Variants in SLC17A6 observed in about 807,000 individuals in gnomAD.
SLC17A6 encodes vesicular glutamate transporter 2.
A neutral mutation model predicts 67.1 loss-of-function variants in SLC17A6; 35 were observed. That is an observed-to-expected ratio of 0.52 (90% CI 0.40 to 0.69). The LOEUF (loss-of-function observed/expected upper bound fraction) is 0.69, where lower values mean the gene tolerates loss of function less well. Ranked by LOEUF, SLC17A6 falls within the 30% of genes least tolerant of loss-of-function variation. The pLI is 0.00. For synonymous variants in SLC17A6, 285 were observed against 252.3 expected (o/e 1.13, Z -1.23); for missense variants, 588 against 723.9 (o/e 0.81, Z 2.15).
intron 3 of SLC17A6, among the ~76,000 whole-genome samples, chr11:22,351,272 T>G (rs1855934526): frequency 6.6e-6 from 1 of 152,156 alleles, no homozygotes; most frequent in African/African-American, 2.4e-5. Flanking sequence ...GGGATACATG[T>G]ACAGGCTTGT....
At chr11:22,369,976 T>C in intron 7 of SLC17A6, 63 bp from the exon 8 acceptor site, 1 of 1,507,894 alleles carries the variant, frequency 6.6e-7, no homozygotes, top group Non-Finnish European at 9.0e-7. Context: ...AAGCACCTAT[T>C]ATTCCCACTT....
chr11:22,343,132 A>G (rs1590377586), intron 2 of SLC17A6, 115 bp from the exon 3 acceptor site: 1 of 841,692 alleles, frequency 1.2e-6, no homozygotes, highest in African/African-American at 1.7e-5. Context: ...TCTTATCCCC[A>G]GAATGCATGA....
At chr11:22,360,585 A>G (rs912393003) in intron 4 of SLC17A6, among the ~76,000 whole-genome samples, 5 of 145,714 alleles carry the variant, frequency 3.4e-5, no homozygotes, top group African/African-American at 1.2e-4. Context: ...ATAATTTTAA[A>G]GGTCTTAAAT....
intron 4 of SLC17A6, among the ~76,000 whole-genome samples, chr11:22,360,571 A>G (rs979297257): frequency 1.4e-5 from 2 of 141,952 alleles, no homozygotes; most frequent in African/African-American, 5.0e-5. Context: ...ACAGAAAAAG[A>G]CTAATAATTT....
At chr11:22,340,301 A>G (rs889424548) in intron 1 of SLC17A6, among the ~76,000 whole-genome samples, 4 of 152,232 alleles carry the variant, frequency 2.6e-5, no homozygotes, top group Non-Finnish European at 4.4e-5. Flanking sequence ...TATCAATCGC[A>G]AGGGGCTACG....
At chr11:22,371,952 G>T (rs1856179653) in intron 8 of SLC17A6, among the ~76,000 whole-genome samples, 1 of 151,688 alleles carries the variant, frequency 6.6e-6, no homozygotes. Flanking sequence ...ACAAAGTATT[G>T]GTATATAATC....
intron 8 of SLC17A6, among the ~76,000 whole-genome samples, chr11:22,373,713 A>C (rs1369034474): frequency 6.6e-6 from 1 of 152,154 alleles, no homozygotes; most frequent in Non-Finnish European, 1.5e-5. Context: ...TTTTTTATTT[A>C]ATAAGAACAC....
At chr11:22,362,186 T>G (rs1202766793) in intron 5 of SLC17A6, 1 of 384,838 alleles carries the variant, frequency 2.6e-6, no homozygotes, top group African/African-American at 2.2e-5. Flanking sequence ...GAAAACAAAT[T>G]TGCCATAGGG....
At chr11:22,364,632 T>C (rs745799479) in intron 6 of SLC17A6, among the ~76,000 whole-genome samples, 16 of 151,946 alleles carry the variant, frequency 1.1e-4, no homozygotes, top group Non-Finnish European at 2.2e-4. Flanking sequence ...GAAACCCTTC[T>C]TGGAGATTGA....
In SLC17A6 at chr11:22,359,512, G is replaced by T; in HGVS notation, c.558G>T (p.Leu186=). The stretch of plus-strand genomic sequence containing the variant: ...GATGTGTCATCTTTGTCAGAATACT[G>T]CAGGGACTTGTTGAGGTATGTAACT... ...HYGCVIFVRI[L]QGLVEGVTYP... is the part of the protein sequence containing the mutation. Residue 186 remains leucine, a synonymous_variant, in exon 4 of 12, where the codon CTG becomes CTT. Transcript: ENST00000263160. The T allele has an allele frequency of 1.3e-6, 2 of 1,592,890 alleles. No homozygotes were observed. Among genetic ancestry groups the T allele is most frequent in the Non-Finnish European group, 1.7e-6 (2 of 1,169,014 alleles).
At position 22,340,194 on chromosome 11, in the gene SLC17A6, C is replaced by A. The variant is rs187836802; in HGVS notation, c.87-1334C>A. Among the ~76,000 whole-genome samples, 7 of 152,244 alleles carry A rather than the reference C, an allele frequency of 4.6e-5. No individual in the cohort carries two copies. The East Asian group carries it at 1.2e-3, about 25-fold the overall frequency. ...TGAAAACAATTGGGTGTTCACATAG[C>A]ACTTAAAACAGCACAGGTGAAAAGC... On this transcript the variant is annotated intron_variant, in intron 1 of 11. Coordinates refer to ENST00000263160, the MANE Select transcript of SLC17A6 (RefSeq NM_020346.3).
intron 3 of SLC17A6, among the ~76,000 whole-genome samples, chr11:22,357,593 A>G (rs1053916545): frequency 3.2e-4 from 49 of 152,196 alleles, no homozygotes; most frequent in African/African-American, 1.2e-3. Flanking sequence ...AGGTTAAGAA[A>G]CTAAGCTAAA....
At chr11:22,369,636 A>G (rs1247097911) in intron 7 of SLC17A6, among the ~76,000 whole-genome samples, 1 of 151,938 alleles carries the variant, frequency 6.6e-6, no homozygotes, top group Non-Finnish European at 1.5e-5. Context: ...AACGTTTTAA[A>G]TGAAATGTTT....
At position 22,362,800 on chromosome 11, in the gene SLC17A6, C is replaced by T; in HGVS notation, c.723C>T (p.Gly241=). The change falls in exon 6 of 12, where the codon GGC becomes GGT. Residue 241 remains glycine, a synonymous_variant. Coordinates refer to ENST00000263160, the MANE Select transcript of SLC17A6 (RefSeq NM_020346.3). Reference sequence around the variant, plus strand: ...CTGGCATTCTTGTGCAGTACACTGGCTGGTCTTCAGTGTTTTATGTCTACG... The same window carrying T: ...CTGGCATTCTTGTGCAGTACACTGGTTGGTCTTCAGTGTTTTATGTCTACG... ...PLAGILVQYT[G]WSSVFYVYGS... 1 of 1,613,662 alleles carries T rather than the reference C, an allele frequency of 6.2e-7. No homozygotes were observed. The highest frequency in any genetic ancestry group is 8.5e-7 in the Non-Finnish European group (1 of 1,179,634).
rs754994413 is a variant in SLC17A6, at chr11:22,377,542, A to C, written c.1551A>C (p.Gly517=). 6.2e-7 allele frequency: 1 copy of C among 1,614,172 alleles called. No homozygotes were observed. Among genetic ancestry groups the C allele is most frequent in the Non-Finnish European group, 8.5e-7 (1 of 1,180,012 alleles). ...DPEETSEEKC[G]FIHEDELDEE... is the part of the protein sequence containing the mutation. ...AGGAAACAAGTGAAGAAAAATGTGGATTTATTCATGAAGATGAACTCGATG... is the reference window on the plus strand; with the variant it reads ...AGGAAACAAGTGAAGAAAAATGTGGCTTTATTCATGAAGATGAACTCGATG... Residue 517 remains glycine, a synonymous_variant, in exon 12 of 12, where the codon GGA becomes GGC. Coordinates refer to ENST00000263160, the MANE Select transcript of SLC17A6 (RefSeq NM_020346.3).
rs1227031744 is a variant in SLC17A6 at position 22,343,249 on chromosome 11, A to C, written c.342A>C (p.Lys114Asn). ...IHRGGKVIKE[K>N]AKFNWDPETV... Reference sequence around the variant, plus strand: ...ACTTTTTTCCTACCCCTCCATAGAAAGCCAAATTCAACTGGGACCCGGAAA... The same window carrying C: ...ACTTTTTTCCTACCCCTCCATAGAACGCCAAATTCAACTGGGACCCGGAAA... The change falls in exon 3 of 12, where the codon AAA becomes AAC. Residue 114 changes from lysine to asparagine, a missense_variant and splice_region_variant. This residue lies in a region of SLC17A6 where 48 missense variants were observed against 36.5 expected (regional missense o/e 1.32). Coordinates refer to ENST00000263160, the MANE Select transcript of SLC17A6 (RefSeq NM_020346.3). 2 of 1,613,662 alleles carry C rather than the reference A, an allele frequency of 1.2e-6. No individual in the cohort carries two copies. Among genetic ancestry groups the C allele is most frequent in the Non-Finnish European group, 1.7e-6 (2 of 1,179,806 alleles).
intron 7 of SLC17A6, among the ~76,000 whole-genome samples, chr11:22,369,727 G>GAA (rs111965787): frequency 2.0e-5 from 3 of 148,902 alleles, no homozygotes; most frequent in African/African-American, 7.4e-5. Context: ...AAAACAAATG[G>GAA]AAAAAAAAAC....
chr11:22,353,023 C>T (rs549892709), intron 3 of SLC17A6, among the ~76,000 whole-genome samples: 3 of 152,138 alleles, frequency 2.0e-5, no homozygotes, highest in Admixed American at 1.3e-4. Context: ...CATGTGTTCA[C>T]GGGCACAGAA....
At chr11:22,355,563 G>T (rs934064584) in intron 3 of SLC17A6, among the ~76,000 whole-genome samples, 1 of 152,056 alleles carries the variant, frequency 6.6e-6, no homozygotes, top group Non-Finnish European at 1.5e-5. Context: ...ACCCTCTGAA[G>T]TCACCCCAAA....
Sources: gnomAD v4.1 joint callset for allele counts (sites outside exome capture counted in the v4.1 genomes callset) on GRCh38, gnomAD v4.1.1 for gene constraint, gnomAD v4.1.1 regional missense constraint, MANE v1.5 for transcripts, NCBI Gene and HGNC (gene_info 2026-07-23, HGNC 2026-07-21) for gene names.